The following PLD1 variants were observed in gnomAD, a reference collection of about 807,000 sequenced individuals.
The protein encoded by PLD1 is choline phosphatase 1.
In PLD1, 112 loss-of-function variants were observed where a neutral mutation model predicts 137.1. The observed-to-expected ratio is 0.82, with a 90% CI of 0.70 to 0.96. The LOEUF (loss-of-function observed/expected upper bound fraction) is 0.96, where lower values mean the gene tolerates loss of function less well. Ranked by LOEUF, PLD1 falls within the 40% of genes least tolerant of loss-of-function variation. The probability of loss-of-function intolerance (pLI) is 0.00; values close to 1 mark genes in which losing one functional copy is unlikely to be tolerated. For missense variants in PLD1, 1,321 were observed against 1,342.0 expected, an observed-to-expected ratio of 0.98 and a Z score of 0.24; for synonymous variants, 431 against 454.7, an observed-to-expected ratio of 0.95 and a Z score of 0.66.
At chr3:171,753,762 G>A (rs1442284209) in intron 1 of PLD1, among the ~76,000 whole-genome samples, 1 of 152,018 alleles carries the variant, frequency 6.6e-6, no homozygotes, top group African/African-American at 2.4e-5. Context: ...TCCTGATCCT[G>A]TGACTTTCCC....
chr3:171,664,016 C>G (rs1311968830), intron 19 of PLD1, among the ~76,000 whole-genome samples: 2 of 152,110 alleles, frequency 1.3e-5, no homozygotes, highest in African/African-American at 4.8e-5. Context: ...CTGTGCCATC[C>G]TCAGTAGTGT....
intron 1 of PLD1, among the ~76,000 whole-genome samples, chr3:171,750,304 G>A (rs1039248257): frequency 6.6e-6 from 1 of 152,096 alleles, no homozygotes; most frequent in Non-Finnish European, 1.5e-5. Context: ...CAATAAACCT[G>A]AAGACAACAA....
intron 21 of PLD1, among the ~76,000 whole-genome samples, chr3:171,648,837 A>G (rs1362298078): frequency 3.3e-5 from 5 of 152,234 alleles, no homozygotes. Context: ...TACAGGCGTG[A>G]GCCACCGCAC....
At position 171,714,049 on chromosome 3, in the gene PLD1, T is replaced by C. The variant is rs757914757; in HGVS notation, c.759-4A>G. ...GGAATCTTTCACTATTAACCATCTG[T>C]AAGAAGGTAGTAAGTATTTTTAAAA... On this transcript the variant is annotated splice_polypyrimidine_tract_variant and splice_region_variant and intron_variant, in intron 8 of 26. Transcript: ENST00000351298. The C allele has an allele frequency of 5.1e-6, 8 of 1,567,262 alleles. No individual in the cohort carries two copies. Among genetic ancestry groups the C allele is most frequent in the Non-Finnish European group, 5.3e-6 (6 of 1,140,204 alleles).
In PLD1 at chr3:171,808,815, A is replaced by ATTTTTTTTTTTTTTTTTTTTT. The variant is rs60146546; in HGVS notation, c.-32+1563_-32+1583dup. Among the ~76,000 whole-genome samples, 53 of 86,228 alleles carry ATTTTTTTTTTTTTTTTTTTTT rather than the reference A, an allele frequency of 6.1e-4. 2 individuals carry two copies. Among genetic ancestry groups the ATTTTTTTTTTTTTTTTTTTTT allele is most frequent in the African/African-American group, 1.0e-3 (21 of 20,668 alleles). 56.6% of individuals were successfully genotyped at this position (86,228 alleles called of 152,430 possible). ...TTTTTCCTCAAAGCCTTAGCATTCA[A>ATTTTTTTTTTTTTTTTTTTTT]TTTTTTTTTTTTTTTTTTTTTTTTT... is the stretch of plus-strand genomic sequence containing the variant. On this transcript the variant is annotated intron_variant, in intron 1 of 26. Coordinates refer to ENST00000351298, the MANE Select transcript of PLD1 (RefSeq NM_002662.5).
chr3:171,635,643 G>A (rs1347120664), intron 23 of PLD1, among the ~76,000 whole-genome samples: 2 of 151,806 alleles, frequency 1.3e-5, no homozygotes, highest in African/African-American at 2.4e-5. Context: ...TGAATTGTAG[G>A]AATTCTTTAC....
At chr3:171,717,871 G>T (rs1162011366) in intron 8 of PLD1, among the ~76,000 whole-genome samples, 1 of 152,190 alleles carries the variant, frequency 6.6e-6, no homozygotes, top group East Asian at 1.9e-4. Flanking sequence ...GTTTGTCATA[G>T]ATGGCTCTTA....
intron 1 of PLD1, among the ~76,000 whole-genome samples, chr3:171,763,835 T>C (rs867356043): frequency 8.5e-5 from 12 of 141,126 alleles, no homozygotes; most frequent in South Asian, 4.7e-4. Flanking sequence ...TCTTTCTTTT[T>C]TTTTTTTTTT....
chr3:171,767,062 G>A (rs1156980387), intron 1 of PLD1, among the ~76,000 whole-genome samples: 1 of 152,144 alleles, frequency 6.6e-6, no homozygotes, highest in South Asian at 2.1e-4. Flanking sequence ...TTACTAGCAG[G>A]AAGTCATACT....
chr3:171,701,392 A>G (rs938434636), intron 11 of PLD1, among the ~76,000 whole-genome samples: 3 of 152,176 alleles, frequency 2.0e-5, no homozygotes, highest in African/African-American at 7.2e-5. Flanking sequence ...TAGTTCACCA[A>G]AAGTGAGAGA....
At chr3:171,665,490 A>G (rs1164894395) in intron 19 of PLD1, among the ~76,000 whole-genome samples, 1 of 152,222 alleles carries the variant, frequency 6.6e-6, no homozygotes, top group African/African-American at 2.4e-5. Flanking sequence ...AACTGAGGTC[A>G]GCAGTTCAAG....
chr3:171,787,653 T>C (rs1723059645), intron 1 of PLD1, among the ~76,000 whole-genome samples: 1 of 152,274 alleles, frequency 6.6e-6, no homozygotes, highest in South Asian at 2.1e-4. Flanking sequence ...TTAATATTCA[T>C]GGTATGGTGT....
At chr3:171,738,970 T>C (rs7644780) in intron 1 of PLD1, among the ~76,000 whole-genome samples, 39 of 152,330 alleles carry the variant, frequency 2.6e-4, no homozygotes, top group African/African-American at 8.7e-4. Context: ...AGGACGCTCA[T>C]ACCAGTAACT....
chr3:171,722,137 T>C (rs1718173109), intron 8 of PLD1, among the ~76,000 whole-genome samples: 1 of 152,200 alleles, frequency 6.6e-6, no homozygotes. Context: ...ACATTGTTAT[T>C]GCAACAGTTA....
intron 13 of PLD1, among the ~76,000 whole-genome samples, chr3:171,690,481 A>C (rs1485658067): frequency 6.6e-6 from 1 of 152,068 alleles, no homozygotes; most frequent in Non-Finnish European, 1.5e-5. Flanking sequence ...TCTTGCAAGT[A>C]TAGCTGTAAA....
intron 9 of PLD1, among the ~76,000 whole-genome samples, chr3:171,711,369 C>T (rs1007207922): frequency 1.3e-5 from 2 of 151,618 alleles, no homozygotes; most frequent in East Asian, 2.0e-4. Flanking sequence ...CAGGGTTTCA[C>T]AATATTGGCC....
chr3:171,710,352 C>A (rs1324660514), intron 9 of PLD1, among the ~76,000 whole-genome samples: 2 of 152,160 alleles, frequency 1.3e-5, no homozygotes, highest in African/African-American at 2.4e-5. Flanking sequence ...TGGTCCCCAA[C>A]TTTTTTGGTA....
intron 11 of PLD1, among the ~76,000 whole-genome samples, chr3:171,704,421 A>G (rs1439742642): frequency 6.6e-6 from 1 of 151,290 alleles, no homozygotes; most frequent in Non-Finnish European, 1.5e-5. Flanking sequence ...AAAATGTTCT[A>G]GAATACATTA....
At chr3:171,605,563 G>T in intron 25 of PLD1, 147 bp from the exon 26 acceptor site, 1 of 617,866 alleles carries the variant, frequency 1.6e-6, no homozygotes, top group East Asian at 2.8e-5. Context: ...CATATCCTCA[G>T]AGTGCCTGAC....
Sources: gnomAD v4.1 joint callset for allele counts (sites outside exome capture counted in the v4.1 genomes callset) on GRCh38, gnomAD v4.1.1 for gene constraint, MANE v1.5 for transcripts, NCBI Gene and HGNC (gene_info 2026-07-23, HGNC 2026-07-21) for gene names.